The following DLG2 variants were observed in gnomAD, a reference collection of about 807,000 sequenced individuals.
DLG2 encodes disks large homolog 2.
A neutral mutation model predicts 132.5 loss-of-function variants in DLG2; 45 were observed. The observed-to-expected ratio is 0.34, with a 90% CI of 0.27 to 0.44. DLG2 has a LOEUF of 0.44. DLG2 is among the 20% of genes least tolerant of loss of function. The probability of loss-of-function intolerance (pLI) is 1.00; values close to 1 mark genes in which losing one functional copy is unlikely to be tolerated. For synonymous variants in DLG2, 424 were observed against 419.6 expected (o/e 1.01, Z -0.13); for missense variants, 1,045 against 1,196.9 (o/e 0.87, Z 1.87).
chr11:84,380,976 T>G (rs1443639064), intron 7 of DLG2, among the ~76,000 whole-genome samples: 1 of 151,850 alleles, frequency 6.6e-6, no homozygotes. Flanking sequence ...TTGTTAACAG[T>G]GTCCCTTAAA....
chr11:85,212,259 C>T (rs2082300740), intron 4 of DLG2, among the ~76,000 whole-genome samples: 1 of 152,176 alleles, frequency 6.6e-6, no homozygotes, highest in Non-Finnish European at 1.5e-5. Flanking sequence ...CACCCCGAAT[C>T]GAGATTTGAA....
chr11:84,747,645 T>C (rs1205370232), intron 6 of DLG2, among the ~76,000 whole-genome samples: 1 of 152,206 alleles, frequency 6.6e-6, no homozygotes. Context: ...GAATAATTAT[T>C]AGTTCATGTC....
intron 7 of DLG2, among the ~76,000 whole-genome samples, chr11:84,420,650 C>CTTTTT (rs768420271): frequency 0.018 from 742 of 42,208 alleles, 308 homozygotes; most frequent in East Asian, 0.048. Flanking sequence ...TGCTTGTTTT[C>CTTTTT]TTTTTTTTTT....
chr11:85,484,200 C>G (rs1044277174), intron 3 of DLG2, among the ~76,000 whole-genome samples: 1 of 150,234 alleles, frequency 6.7e-6, no homozygotes, highest in African/African-American at 2.5e-5. Flanking sequence ...CTTTCCCGCC[C>G]CCCGTTCCTC....
intron 2 of DLG2, among the ~76,000 whole-genome samples, chr11:85,605,657 C>G (rs897437469): frequency 6.6e-6 from 1 of 152,102 alleles, no homozygotes; most frequent in African/African-American, 2.4e-5. Context: ...GAAATTCCAA[C>G]AAAGTGAAAG....
chr11:84,743,802 G>A (rs1383395408), intron 6 of DLG2, among the ~76,000 whole-genome samples: 1 of 151,758 alleles, frequency 6.6e-6, no homozygotes, highest in Non-Finnish European at 1.5e-5. Context: ...TTGGCTCACT[G>A]CAACCTCCAC....
intron 6 of DLG2, among the ~76,000 whole-genome samples, chr11:85,065,361 G>C (rs2064755206): frequency 6.6e-6 from 1 of 151,128 alleles, no homozygotes; most frequent in South Asian, 2.1e-4. Context: ...ATGGCTCCAG[G>C]TTTGGGAATC....
intron 7 of DLG2, among the ~76,000 whole-genome samples, chr11:84,425,699 A>G (rs2098964184): frequency 6.6e-6 from 1 of 152,190 alleles, no homozygotes; most frequent in South Asian, 2.1e-4. Flanking sequence ...TAAATCTGAG[A>G]ACATTAAAAA....
intron 18 of DLG2, among the ~76,000 whole-genome samples, chr11:83,679,059 A>G (rs1051960875): frequency 2.0e-5 from 3 of 152,194 alleles, no homozygotes; most frequent in African/African-American, 7.2e-5. Context: ...GAGCTGGGCA[A>G]ACTCTATTGC....
chr11:85,421,914 G>A (rs1053289040), intron 3 of DLG2, among the ~76,000 whole-genome samples: 7 of 151,960 alleles, frequency 4.6e-5, no homozygotes, highest in Non-Finnish European at 8.8e-5. Context: ...TTGTTTTTCC[G>A]AAAAAGGCTG....
chr11:84,984,668 G>A (rs376562584), intron 6 of DLG2, among the ~76,000 whole-genome samples: 1 of 151,576 alleles, frequency 6.6e-6, no homozygotes, highest in African/African-American at 2.4e-5. Flanking sequence ...GAATGTAAAT[G>A]GCCTAAATGC....
chr11:84,371,089 G>A (rs1425706446), intron 7 of DLG2, among the ~76,000 whole-genome samples: 5 of 152,058 alleles, frequency 3.3e-5, no homozygotes, highest in African/African-American at 1.2e-4. Flanking sequence ...TCAGTGAGAT[G>A]TGAATAATGT....
rs182339171 is a variant in DLG2 at position 84,004,222 on chromosome 11, A to C, written c.920-23580T>G. On this transcript the variant is annotated intron_variant, in intron 11 of 27. Coordinates refer to ENST00000376104, the MANE Select transcript of DLG2 (RefSeq NM_001142699.3). ...AGCAAACTGAATTCAACAGCACATC[A>C]AAAAGATAATATACCATTACAAAAT... Among the ~76,000 whole-genome samples, 1,044 of 152,272 alleles carry C rather than the reference A, an allele frequency of 6.9e-3. 4 individuals are homozygous for C. Among genetic ancestry groups the C allele is most frequent in the Non-Finnish European group, 0.011 (747 of 68,002 alleles).
intron 6 of DLG2, among the ~76,000 whole-genome samples, chr11:84,971,885 G>A (rs1318218681): frequency 6.6e-6 from 1 of 151,956 alleles, no homozygotes; most frequent in Non-Finnish European, 1.5e-5. Context: ...AATGTAGGAG[G>A]GAATGTCTAC....
At chr11:85,588,158 C>A (rs560719672) in intron 3 of DLG2, among the ~76,000 whole-genome samples, 7 of 152,164 alleles carry the variant, frequency 4.6e-5, no homozygotes, top group Admixed American at 2.0e-4. Context: ...CTTTATATAA[C>A]CTGATGACAA....
chr11:84,803,034 C>A (rs142548198), intron 6 of DLG2, among the ~76,000 whole-genome samples: 2,390 of 152,152 alleles, frequency 0.016, 58 homozygotes, highest in African/African-American at 0.054. Flanking sequence ...TCCTGACCCT[C>A]GTGATCTGCC....
intron 3 of DLG2, among the ~76,000 whole-genome samples, chr11:85,408,191 TC>T (rs1206236836): frequency 6.7e-6 from 1 of 149,230 alleles, no homozygotes; most frequent in African/African-American, 2.4e-5. Flanking sequence ...TTTATAGAAA[TC>T]TTTTTTTTGA....
chr11:83,558,510 C>T (rs1043420386), intron 19 of DLG2, among the ~76,000 whole-genome samples: 4 of 151,948 alleles, frequency 2.6e-5, no homozygotes, highest in African/African-American at 4.8e-5. Context: ...ATTGGTTAAC[C>T]GCTACAGTAG....
chr11:84,422,767 C>T (rs896530047), intron 7 of DLG2, among the ~76,000 whole-genome samples: 1 of 152,098 alleles, frequency 6.6e-6, no homozygotes, highest in Admixed American at 6.6e-5. Context: ...CATTTATGTT[C>T]CAGTAAATGG....
Sources: gnomAD v4.1 joint callset for allele counts (sites outside exome capture counted in the v4.1 genomes callset) on GRCh38, gnomAD v4.1.1 for gene constraint, MANE v1.5 for transcripts, NCBI Gene and HGNC (gene_info 2026-07-23, HGNC 2026-07-21) for gene names.